Variants in LRRC66 observed in about 807,000 individuals in gnomAD.
The protein encoded by LRRC66 is leucine-rich repeat-containing protein 66.
In LRRC66, 29 loss-of-function variants were observed where a neutral mutation model predicts 24.6. The observed-to-expected ratio is 1.18, with a 90% confidence interval of 0.88 to 1.61. LRRC66 has a LOEUF of 1.61. LRRC66 is among the 40% of genes most tolerant of loss of function. The probability of loss-of-function intolerance (pLI) is 0.00; values close to 1 mark genes in which losing one functional copy is unlikely to be tolerated. For missense variants in LRRC66, 1,124 were observed against 1,058.0 expected (o/e 1.06, Z -0.87); for synonymous variants, 411 against 397.6 (o/e 1.03, Z -0.40).
chr4:52,006,837 T>A (rs1285952168), intron 2 of LRRC66, among the ~76,000 whole-genome samples: 1 of 152,050 alleles, frequency 6.6e-6, no homozygotes, highest in Admixed American at 6.6e-5. Context: ...ACATCTCTTT[T>A]TAATCTTCAA....
chr4:52,006,346 A>G (rs974463316), intron 2 of LRRC66, among the ~76,000 whole-genome samples: 3 of 152,118 alleles, frequency 2.0e-5, no homozygotes, highest in Non-Finnish European at 4.4e-5. Context: ...TGTGGCACAT[A>G]TACACCATGG....
chr4:52,008,385 A>G (rs1736629855), intron 2 of LRRC66, among the ~76,000 whole-genome samples: 1 of 152,156 alleles, frequency 6.6e-6, no homozygotes, highest in Non-Finnish European at 1.5e-5. Context: ...CTTCTCTGAC[A>G]ATTTTGCCAT....
intron 2 of LRRC66, 78 bp from the exon 3 acceptor site, chr4:52,003,470 G>T (rs1736501945): frequency 7.9e-7 from 1 of 1,261,998 alleles, no homozygotes; most frequent in Non-Finnish European, 1.1e-6. Flanking sequence ...TGAAAAATTG[G>T]AGACAACATT....
rs1010347310 is a variant in LRRC66 at position 52,017,470 on chromosome 4, A to G, written c.144T>C (p.Phe48=). The G allele has an allele frequency of 6.2e-7, 1 of 1,614,000 alleles. No individual in the cohort carries two copies. The highest frequency in any genetic ancestry group is 8.5e-7 in the Non-Finnish European group (1 of 1,179,996). The change falls in exon 2 of 5, where the codon TTT becomes TTC. Residue 48 remains phenylalanine, a synonymous_variant. Coordinates refer to ENST00000682860, the MANE Select transcript of LRRC66 (RefSeq NM_001024611.3). ...CCACAGGTATATCACACTTTCCGGTAAAAGAACAATTTGTCAGAATATATT... is the reference window on the plus strand; with the variant it reads ...CCACAGGTATATCACACTTTCCGGTGAAAGAACAATTTGTCAGAATATATT... ...WNEYILTNCS[F]TGKCDIPVDI...
chr4:52,017,531 C>CT lies in LRRC66; in HGVS notation c.82dup (p.Ser28LysfsTer8), dbSNP rs1208241192. The CT allele has an allele frequency of 6.2e-7, 1 of 1,612,550 alleles. No individual in the cohort carries two copies. On this transcript the variant is annotated frameshift_variant, in exon 2 of 5. Coordinates refer to ENST00000682860, the MANE Select transcript of LRRC66 (RefSeq NM_001024611.3). LOFTEE classifies it high-confidence loss of function. The stretch of plus-strand genomic sequence containing the variant: ...GCATTCAGAATTGAATAAAATATTG[C>CT]TTTTTCTTGATGCATTTGTCATTAT...
chr4:51,994,810 C>T lies in LRRC66; in HGVS notation c.2212G>A (p.Glu738Lys), dbSNP rs199780048. The change falls in exon 5 of 5, where the codon GAG (glutamate) becomes AAG (lysine). Residue 738 changes from glutamate (E) to lysine (K), a missense_variant. Transcript: ENST00000682860. ...TTGTCCTTGCTTGCCCCTGAGCTCT[C>T]GTCCTGCAGGGACTCCTCATCAGGC... The part of the protein sequence containing the change: ...AVPDEESLQD[E>K]SSGASKDNVT... 33 of 1,614,078 alleles carry T rather than the reference C, an allele frequency of 2.0e-5. No individual in the cohort carries two copies. Among genetic ancestry groups the T allele is most frequent in the Non-Finnish European group, 2.4e-5 (28 of 1,180,026 alleles).
intron 3 of LRRC66, among the ~76,000 whole-genome samples, chr4:52,000,192 G>C (rs955737027): frequency 6.6e-6 from 1 of 152,180 alleles, no homozygotes; most frequent in African/African-American, 2.4e-5. Context: ...ACAGTGCATT[G>C]AGAATTACAG....
intron 2 of LRRC66, 48 bp downstream of exon 2, chr4:52,017,070 C>T: frequency 6.5e-7 from 1 of 1,539,048 alleles, no homozygotes; most frequent in Non-Finnish European, 8.7e-7. Context: ...GAACATGAAA[C>T]AACTCCACGT....
chr4:51,994,919 A>G lies in LRRC66; in HGVS notation c.2103T>C (p.Ser701=). The change falls in exon 5 of 5, where the codon AGT becomes AGC. Residue 701 remains serine (S), a synonymous_variant. Transcript: ENST00000682860. ...GAGACCCCTCATCAGAGTCACAGTCACTCTCCAACTCACAGCAAGTGTCAG... is the reference window on the plus strand; with the variant it reads ...GAGACCCCTCATCAGAGTCACAGTCGCTCTCCAACTCACAGCAAGTGTCAG... ...TPSDTCCELE[S]DCDSDEGSLF... The G allele has an allele frequency of 6.2e-7, 1 of 1,613,980 alleles. No individual in the cohort carries two copies. The highest frequency in any genetic ancestry group is 8.5e-7 in the Non-Finnish European group (1 of 1,180,010).
chr4:52,001,529 AT>A (rs1266915960), intron 3 of LRRC66, among the ~76,000 whole-genome samples: 1 of 152,212 alleles, frequency 6.6e-6, no homozygotes, highest in East Asian at 1.9e-4. Context: ...CCACTTTAAA[AT>A]TTCTATACAC....
At chr4:52,017,038 A>T in intron 2 of LRRC66, 80 bp downstream of exon 2, 6 of 1,472,126 alleles carry the variant, frequency 4.1e-6, no homozygotes, top group Non-Finnish European at 5.5e-6. Flanking sequence ...CTTGAACCTG[A>T]AAACAAATGT....
Position 51,996,097 on chromosome 4 carries a change from G to A in LRRC66, c.925C>T (p.His309Tyr), listed in dbSNP as rs199669579. Residue 309 changes from histidine (H) to tyrosine (Y), a missense_variant, in exon 5 of 5, where the codon CAT (histidine) becomes TAT (tyrosine). Coordinates refer to ENST00000682860, the MANE Select transcript of LRRC66 (RefSeq NM_001024611.3). ...ISRETRLPPIHLHRMKSLIRS... is the reference protein window; with the variant it reads ...ISRETRLPPIYLHRMKSLIRS... ...ATGAGGCTTTTCATGCGATGCAGAT[G>A]AATGGGAGGAAGGCGGGTTTCCCTG... 1 of 1,614,122 alleles carries A rather than the reference G, an allele frequency of 6.2e-7. No homozygotes were observed.
chr4:52,006,753 CA>C (rs1376136605), intron 2 of LRRC66, among the ~76,000 whole-genome samples: 26 of 144,492 alleles, frequency 1.8e-4, no homozygotes, highest in Non-Finnish European at 3.4e-4. Flanking sequence ...AACAAAAAAA[CA>C]AAAAAAAAGT....
chr4:51,993,764 A>T lies in LRRC66; in HGVS notation c.*615T>A, dbSNP rs1450484967. On this transcript the variant is annotated 3_prime_UTR_variant, in exon 5 of 5. Transcript: ENST00000682860. ...ACTTTTCCAATTTTGCAGTTTCACG[A>T]TCAGCCTCCAAAAAGTTGTGCTAGT... 1 of 152,262 alleles carries T rather than the reference A, an allele frequency of 6.6e-6. No homozygotes were observed. The highest frequency in any genetic ancestry group is 2.1e-4 in the South Asian group (1 of 4,832). The allele number at this position is 152,262 out of a possible 1,614,324, so 9.4% of individuals were successfully genotyped here.
Position 51,994,417 on chromosome 4 carries a change from C to A in LRRC66, c.2605G>T (p.Ala869Ser). 6.2e-7 allele frequency: 1 copy of A among 1,613,780 alleles called. No individual in the cohort carries two copies. The highest frequency in any genetic ancestry group is 1.7e-4 in the Middle Eastern group (1 of 6,056). The change falls in exon 5 of 5, where the codon GCT becomes TCT. Residue 869 changes from alanine (A) to serine (S), a missense_variant. Ala to Ser is a moderately conservative substitution (Grantham distance 99). Coordinates refer to ENST00000682860, the MANE Select transcript of LRRC66 (RefSeq NM_001024611.3). ...TCTGAGTCTCTTTCATGGAAGGCAG[C>A]CTTATCAGGATCTGAGGGAACTTCA... ...SAEVPSDPDK[A>S]AFHERDSDIL...
In LRRC66 at chr4:51,995,813, T is replaced by G. The variant is rs1736296837; in HGVS notation, c.1209A>C (p.Arg403Ser). 5 of 1,614,094 alleles carry G rather than the reference T, an allele frequency of 3.1e-6. No homozygotes were observed. Among genetic ancestry groups the G allele is most frequent in the Non-Finnish European group, 4.2e-6 (5 of 1,180,004 alleles). ...TGCTCTGGCACTTTTTTTGCCACAG[T>G]CTGTCAACATAAGGCCTTGTGAAAG... ...LGAFTRPYVDRLWQKKCQSKS... is the reference protein window; with the variant it reads ...LGAFTRPYVDSLWQKKCQSKS... Residue 403 changes from arginine (R) to serine (S), a missense_variant, in exon 5 of 5, where the codon AGA (arginine) becomes AGC (serine). Transcript: ENST00000682860.
chr4:52,019,483 A>C (rs1736895969), intron 1 of LRRC66, among the ~76,000 whole-genome samples: 1 of 152,186 alleles, frequency 6.6e-6, no homozygotes, highest in Non-Finnish European at 1.5e-5. Flanking sequence ...AAGTGAATGA[A>C]ATTTACAATG....
At chr4:51,996,252 A>T (rs1238054602) in intron 4 of LRRC66, 87 bp from the exon 5 acceptor site, 20 of 1,349,800 alleles carry the variant, frequency 1.5e-5, no homozygotes, top group Middle Eastern at 2.2e-4. Flanking sequence ...AATTGAAAAA[A>T]ATTCAATTTT....
At chr4:51,996,710 C>T (rs565460111) in intron 4 of LRRC66, among the ~76,000 whole-genome samples, 2 of 152,256 alleles carry the variant, frequency 1.3e-5, no homozygotes, top group South Asian at 4.1e-4. Context: ...TGGCTGTACG[C>T]ATTTACACAT....
Sources: allele counts gnomAD v4.1 joint callset (sites outside exome capture counted in the v4.1 genomes callset), GRCh38; gene constraint gnomAD v4.1.1; transcripts MANE v1.5; gene names NCBI Gene and HGNC (gene_info 2026-07-23, HGNC 2026-07-21).